Variants in DAB1 observed in about 807,000 individuals in gnomAD.
The protein encoded by DAB1 is DAB adaptor protein 1.
DAB1 carries 15 observed loss-of-function variants against 64.6 expected under a neutral mutation model. The ratio of observed to expected loss-of-function variants is 0.23; its 90% CI spans 0.16 to 0.36. DAB1 has a LOEUF of 0.36. Ranked by LOEUF, DAB1 falls within the 10% of genes least tolerant of loss-of-function variation. The pLI is 1.00. For synonymous variants in DAB1, 235 were observed against 251.9 expected (o/e 0.93, Z 0.64); for missense variants, 596 against 706.7 (o/e 0.84, Z 1.78).
In DAB1 at chr1:57,341,273, CT is replaced by C. The variant is rs1677561112; in HGVS notation, c.-136-50108del. Among the ~76,000 whole-genome samples the C allele has an allele frequency of 2.0e-5, 3 of 152,254 alleles. No homozygotes were observed. The South Asian group carries it at 6.2e-4, about 32-fold the overall frequency. The stretch of plus-strand genomic sequence containing the variant: ...AGATTTGGACCCTGATTCTTCCTAC[CT>C]TCAAATCTGACCCAGTCTGCCAGGT... On this transcript the variant is annotated intron_variant, in intron 1 of 14. Coordinates refer to ENST00000371236, the MANE Select transcript of DAB1 (RefSeq NM_001365792.1).
intron 7 of DAB1, among the ~76,000 whole-genome samples, chr1:57,496,866 G>A (rs1036671758): frequency 6.6e-6 from 1 of 152,142 alleles, no homozygotes; most frequent in Non-Finnish European, 1.5e-5. Flanking sequence ...ACATGTTTCA[G>A]TATTTCTTAC....
intron 4 of DAB1, among the ~76,000 whole-genome samples, chr1:58,264,998 T>C (rs1661128413): frequency 6.6e-6 from 1 of 152,216 alleles, no homozygotes. Context: ...CCATGTGGCA[T>C]AACTCATAAC....
chr1:57,000,754 C>A (rs1215415570), intron 14 of DAB1, among the ~76,000 whole-genome samples: 1 of 152,174 alleles, frequency 6.6e-6, no homozygotes, highest in Non-Finnish European at 1.5e-5. Context: ...TCAGCTCATT[C>A]TTCTTTTTGG....
At chr1:57,007,239 T>G (rs1052083352) in intron 14 of DAB1, among the ~76,000 whole-genome samples, 1 of 152,118 alleles carries the variant, frequency 6.6e-6, no homozygotes, top group Non-Finnish European at 1.5e-5. Context: ...ACCAAACAAT[T>G]CCCCATTGTT....
At chr1:57,141,071 A>T (rs940395103) in intron 3 of DAB1, among the ~76,000 whole-genome samples, 42 of 152,188 alleles carry the variant, frequency 2.8e-4, no homozygotes, top group Admixed American at 2.7e-3. Flanking sequence ...AAAACCTTAG[A>T]ACGCTATTCC....
intron 6 of DAB1, among the ~76,000 whole-genome samples, chr1:57,665,394 A>G (rs1433354769): frequency 6.6e-6 from 1 of 152,152 alleles, no homozygotes; most frequent in African/African-American, 2.4e-5. Flanking sequence ...CATTATAGGT[A>G]GAAGTTTAAA....
chr1:58,230,281 G>A (rs143628739), intron 4 of DAB1, among the ~76,000 whole-genome samples: 171 of 152,232 alleles, frequency 1.1e-3, no homozygotes, highest in African/African-American at 3.4e-3. Flanking sequence ...CCTTGGTGTC[G>A]GGCCTTTAAT....
At chr1:57,839,758 C>T (rs1332191852) in intron 1 of DAB1, among the ~76,000 whole-genome samples, 1 of 152,236 alleles carries the variant, frequency 6.6e-6, no homozygotes, top group Admixed American at 6.5e-5. Context: ...TTGTGTGCTA[C>T]TCTGCTCTTG....
chr1:57,691,969 AC>A (rs1442748443), intron 6 of DAB1, among the ~76,000 whole-genome samples: 4 of 151,504 alleles, frequency 2.6e-5, no homozygotes, highest in Non-Finnish European at 5.9e-5. Flanking sequence ...CTCTCTAACA[AC>A]CCCCAACTCT....
intron 6 of DAB1, among the ~76,000 whole-genome samples, chr1:57,802,806 C>T (rs1651190373): frequency 6.6e-6 from 1 of 152,178 alleles, no homozygotes; most frequent in African/African-American, 2.4e-5. Context: ...GCCTGCATAA[C>T]TGTGAGCCAA....
At chr1:57,617,103 C>A (rs537687200) in intron 7 of DAB1, among the ~76,000 whole-genome samples, 5 of 152,220 alleles carry the variant, frequency 3.3e-5, no homozygotes, top group Admixed American at 3.3e-4. Context: ...ATTCTTGGTA[C>A]CCTGCCCAGA....
chr1:57,097,763 A>ATTATTTAT (rs146708228), intron 4 of DAB1, among the ~76,000 whole-genome samples: 16 of 149,306 alleles, frequency 1.1e-4, no homozygotes, highest in East Asian at 5.9e-4. Flanking sequence ...TATTTTTATT[A>ATTATTTAT]TTATTTATTT....
At chr1:58,468,483 A>G (rs338241) in intron 3 of DAB1, 143,941 of 152,294 alleles carry the variant, frequency 0.95, 68,304 homozygotes, top group African/African-American at 0.99. Context: ...GGTGAGAGAC[A>G]TGTGGGCTGA....
At chr1:57,422,744 G>A (rs1685021436) in intron 1 of DAB1, among the ~76,000 whole-genome samples, 1 of 152,320 alleles carries the variant, frequency 6.6e-6, no homozygotes, top group Admixed American at 6.5e-5. Flanking sequence ...AGTTCACACG[G>A]AGTGAAACGT....
At chr1:57,918,639 A>G (rs935569160) in intron 5 of DAB1, among the ~76,000 whole-genome samples, 4 of 152,096 alleles carry the variant, frequency 2.6e-5, no homozygotes, top group African/African-American at 7.2e-5. Context: ...CCTGGCTAAC[A>G]CAGTGAAACC....
At chr1:57,563,610 C>A (rs144958298) in intron 7 of DAB1, among the ~76,000 whole-genome samples, 1 of 152,144 alleles carries the variant, frequency 6.6e-6, no homozygotes, top group Non-Finnish European at 1.5e-5. Flanking sequence ...GCTTTTCCAA[C>A]GGTCTTAGCA....
At chr1:57,057,163 A>C (rs1477944221) in intron 9 of DAB1, among the ~76,000 whole-genome samples, 5 of 152,140 alleles carry the variant, frequency 3.3e-5, no homozygotes, top group African/African-American at 1.2e-4. Flanking sequence ...GGAACGATGA[A>C]TCTCCCCAGA....
At chr1:58,485,080 T>C (rs950148434) in intron 3 of DAB1, among the ~76,000 whole-genome samples, 1 of 151,992 alleles carries the variant, frequency 6.6e-6, no homozygotes, top group African/African-American at 2.4e-5. Context: ...GGTTCATCAA[T>C]TGTAACTAAT....
At chr1:57,182,282 T>C (rs1038273173) in intron 2 of DAB1, among the ~76,000 whole-genome samples, 5 of 152,238 alleles carry the variant, frequency 3.3e-5, no homozygotes, top group Admixed American at 2.6e-4. Flanking sequence ...CAATAGCAGC[T>C]ATCAATTACT....
Sources: allele counts gnomAD v4.1 joint callset (sites outside exome capture counted in the v4.1 genomes callset), GRCh38; gene constraint gnomAD v4.1.1; transcripts MANE v1.5; gene names NCBI Gene and HGNC (gene_info 2026-07-23, HGNC 2026-07-21).